The following RCL1 variants were observed in gnomAD, a reference collection of about 807,000 sequenced individuals.
RCL1 encodes the protein RNA terminal phosphate cyclase like 1.
Under a neutral mutation model 42.4 loss-of-function variants are expected in RCL1, and 24 were observed. The observed-to-expected ratio is 0.57, with a 90% confidence interval of 0.41 to 0.80. The LOEUF is 0.80. Ranked by LOEUF, RCL1 falls within the 30% of genes least tolerant of loss-of-function variation. The pLI is 0.00. For missense variants in RCL1, 578 were observed against 467.9 expected (o/e 1.24, Z -2.17); for synonymous variants, 228 against 177.3 (o/e 1.29, Z -2.27).
intron 5 of RCL1, among the ~76,000 whole-genome samples, chr9:4,839,070 G>T (rs1388440550): frequency 1.3e-5 from 2 of 152,200 alleles, no homozygotes; most frequent in African/African-American, 4.8e-5. Flanking sequence ...GCTTGCTGGA[G>T]CTTGGACTTG....
At chr9:4,796,420 T>C (rs867679926) in intron 1 of RCL1, among the ~76,000 whole-genome samples, 1 of 152,222 alleles carries the variant, frequency 6.6e-6, no homozygotes, top group Non-Finnish European at 1.5e-5. Flanking sequence ...ATTCTTTTTT[T>C]TGAGACAGAG....
intron 8 of RCL1, among the ~76,000 whole-genome samples, chr9:4,852,086 T>A (rs1462475017): frequency 6.6e-6 from 1 of 152,130 alleles, no homozygotes; most frequent in African/African-American, 2.4e-5. Flanking sequence ...TTTCACCATG[T>A]TAGCCAGGAT....
chr9:4,828,651 C>T (rs1225171320), intron 3 of RCL1, among the ~76,000 whole-genome samples: 1 of 151,676 alleles, frequency 6.6e-6, no homozygotes, highest in Non-Finnish European at 1.5e-5. Flanking sequence ...AGAAAGGTGC[C>T]TCAAACAGTG....
intron 1 of RCL1, among the ~76,000 whole-genome samples, chr9:4,821,643 C>T (rs1031928470): frequency 2.0e-5 from 3 of 151,482 alleles, no homozygotes; most frequent in Admixed American, 1.3e-4. Flanking sequence ...GAGCTGGACT[C>T]ATTTTTTTTT....
At chr9:4,827,292 C>T (rs927084528) in intron 3 of RCL1, 46 of 1,258,642 alleles carry the variant, frequency 3.7e-5, no homozygotes, top group South Asian at 3.2e-5. Flanking sequence ...AGATGCTCTC[C>T]GTCTCATCAT....
intron 1 of RCL1, among the ~76,000 whole-genome samples, chr9:4,795,289 G>A (rs12006243): frequency 0.021 from 3,186 of 152,100 alleles, 101 homozygotes; most frequent in African/African-American, 0.072. Flanking sequence ...TCACCATGTT[G>A]GCCAGGCTGT....
chr9:4,847,069 G>A (rs1390824846), intron 7 of RCL1, among the ~76,000 whole-genome samples: 1 of 151,898 alleles, frequency 6.6e-6, no homozygotes, highest in African/African-American at 2.4e-5. Flanking sequence ...AGTAGAGATA[G>A]GGTTTCTCCA....
intron 2 of RCL1, among the ~76,000 whole-genome samples, chr9:4,824,374 ATTTTTTTTTTT>A (rs71326141): frequency 1.7e-5 from 2 of 120,298 alleles, no homozygotes; most frequent in Non-Finnish European, 1.7e-5. Context: ...TTCAGCCAGC[ATTTTTTTTTTT>A]TTTTTTTTTT....
intron 1 of RCL1, among the ~76,000 whole-genome samples, chr9:4,806,768 C>A (rs189600746): frequency 6.6e-6 from 1 of 151,574 alleles, no homozygotes; most frequent in African/African-American, 2.4e-5. Flanking sequence ...ATCAGGGTAG[C>A]GCTAGTTTAA....
intron 8 of RCL1, chr9:4,850,450 A>C: frequency 3.2e-6 from 1 of 312,024 alleles, no homozygotes; most frequent in South Asian, 3.3e-5. Context: ...GGGGCATGAA[A>C]ACCAGGAGCT....
rs554057068 is a variant in RCL1 at position 4,850,497 on chromosome 9, T to C, written c.971+947T>C. On this transcript the variant is annotated intron_variant, in intron 8 of 8. Coordinates refer to ENST00000381750, the MANE Select transcript of RCL1 (RefSeq NM_005772.5). Reference sequence around the variant, plus strand: ...CTTATGGAGGCTTTTTTTTTTCTTTTTTTTTTTTTTTTTGGAATTCGTGGT... The same window carrying C: ...CTTATGGAGGCTTTTTTTTTTCTTTCTTTTTTTTTTTTTGGAATTCGTGGT... 49 of 222,296 alleles carry C rather than the reference T, an allele frequency of 2.2e-4. No individual in the cohort carries two copies. The Middle Eastern group carries it at 9.3e-3, about 42-fold the overall frequency. 13.8% of individuals were successfully genotyped at this position (222,296 alleles called of 1,614,324 possible). A position where few individuals can be genotyped will look rare whatever the true frequency, so the allele number is the denominator to read the frequency against.
chr9:4,834,245 C>CA lies in RCL1; in HGVS notation c.567dup (p.Arg190ThrfsTer3). 6.2e-7 allele frequency: 1 copy of CA among 1,612,706 alleles called. No individual in the cohort carries two copies. The highest frequency in any genetic ancestry group is 8.5e-7 in the Non-Finnish European group (1 of 1,179,200). ...TTCAACTCACAGATCCAGGAAAAATCAAACGTATTAGAGGAATGGCGTATC... is the reference window on the plus strand; with the variant it reads ...TTCAACTCACAGATCCAGGAAAAATCAAAACGTATTAGAGGAATGGCGTATC... On this transcript the variant is annotated frameshift_variant, in exon 5 of 9. Coordinates refer to ENST00000381750, the MANE Select transcript of RCL1 (RefSeq NM_005772.5). LOFTEE classifies it high-confidence loss of function.
At chr9:4,813,893 A>T in intron 1 of RCL1, among the ~76,000 whole-genome samples, 1 of 152,226 alleles carries the variant, frequency 6.6e-6, no homozygotes, top group East Asian at 1.9e-4. Flanking sequence ...TTGTAGGGAC[A>T]TGGATAAAAC....
intron 3 of RCL1, 23 bp from the exon 4 acceptor site, chr9:4,833,126 ACTTTT>A (rs781749089): frequency 6.5e-6 from 10 of 1,541,508 alleles, no homozygotes; most frequent in Non-Finnish European, 8.1e-6. Context: ...GCTTAATTAA[ACTTTT>A]CTTTTCTGAA....
intron 1 of RCL1, among the ~76,000 whole-genome samples, chr9:4,822,381 G>C (rs144444319): frequency 1.0e-3 from 153 of 152,306 alleles, no homozygotes; most frequent in African/African-American, 3.5e-3. Context: ...TAAAACTAAG[G>C]GGTGTGTTTG....
At chr9:4,833,056 C>A in intron 3 of RCL1, 98 bp from the exon 4 acceptor site, 1 of 782,404 alleles carries the variant, frequency 1.3e-6, no homozygotes, top group Non-Finnish European at 2.3e-6. Flanking sequence ...TACCACACTG[C>A]ATCATCTACC....
intron 3 of RCL1, among the ~76,000 whole-genome samples, chr9:4,828,054 C>G (rs1017492361): frequency 9.3e-5 from 14 of 150,070 alleles, no homozygotes; most frequent in Non-Finnish European, 1.6e-4. Flanking sequence ...GGCATGGTGG[C>G]GGGCGCCTGT....
intron 2 of RCL1, 62 bp downstream of exon 2, chr9:4,823,681 CTT>C (rs894347311): frequency 2.6e-6 from 3 of 1,156,914 alleles, no homozygotes; most frequent in Admixed American, 2.4e-5. Flanking sequence ...GTTTCTCACT[CTT>C]TTTTTTCTTT....
intron 1 of RCL1, among the ~76,000 whole-genome samples, chr9:4,819,122 G>A (rs1816495503): frequency 6.6e-6 from 1 of 152,130 alleles, no homozygotes; most frequent in South Asian, 2.1e-4. Context: ...AAAATTCAAA[G>A]GGAATAAAAG....
Sources: allele counts gnomAD v4.1 joint callset (sites outside exome capture counted in the v4.1 genomes callset), GRCh38; gene constraint gnomAD v4.1.1; transcripts MANE v1.5; gene names NCBI Gene and HGNC (gene_info 2026-07-23, HGNC 2026-07-21).